The following C6 variants were observed in gnomAD, a reference collection of about 807,000 sequenced individuals.
The protein encoded by C6 is complement C6, also known as complement component C6.
C6 carries 101 observed loss-of-function variants against 112.9 expected under a neutral mutation model. The observed-to-expected ratio is 0.89, with a 90% CI of 0.76 to 1.06. The LOEUF (loss-of-function observed/expected upper bound fraction) is 1.06, where lower values mean the gene tolerates loss of function less well. C6 is among the 50% of genes least tolerant of loss of function. C6 has a pLI of 0.00. For synonymous variants in C6, 431 were observed against 384.1 expected (o/e 1.12, Z -1.43); for missense variants, 1,202 against 1,104.6 (o/e 1.09, Z -1.25).
intron 13 of C6, among the ~76,000 whole-genome samples, chr5:41,155,978 A>G (rs993890508): frequency 1.3e-5 from 2 of 151,698 alleles, no homozygotes; most frequent in African/African-American, 2.4e-5. Flanking sequence ...ATTGGTCATT[A>G]TATATTTTCC....
intron 6 of C6, among the ~76,000 whole-genome samples, chr5:41,185,418 C>T (rs376229685): frequency 5.7e-4 from 87 of 152,288 alleles, no homozygotes; most frequent in African/African-American, 2.0e-3. Flanking sequence ...GCATGAACGT[C>T]ACCATTAAAA....
At position 41,160,124 on chromosome 5, in the gene C6, T is replaced by C. The variant is rs757019357; in HGVS notation, c.1684+18A>G. 27 of 1,586,916 alleles carry C rather than the reference T, an allele frequency of 1.7e-5. No individual in the cohort carries two copies. The highest frequency in any genetic ancestry group is 2.2e-5 in the South Asian group (2 of 90,558). ...AGGGGAAAACTTATCTACCTCACAA[T>C]AGATTCCTGATACTTACTGGATTTA... On this transcript the variant is annotated intron_variant, in intron 11 of 17. Transcript: ENST00000337836.
chr5:41,209,157 A>G (rs1021389595), intron 1 of C6, among the ~76,000 whole-genome samples: 13 of 152,230 alleles, frequency 8.5e-5, no homozygotes, highest in Admixed American at 8.5e-4. Context: ...AAGGCCTTCG[A>G]CAAAATTCAA....
At chr5:41,151,750 G>A (rs1019019758) in intron 15 of C6, among the ~76,000 whole-genome samples, 7 of 151,988 alleles carry the variant, frequency 4.6e-5, no homozygotes, top group African/African-American at 1.7e-4. Context: ...AAAAATAGAG[G>A]GCAACAGCCA....
intron 1 of C6, among the ~76,000 whole-genome samples, chr5:41,206,792 A>G (rs1751473055): frequency 6.6e-6 from 1 of 152,220 alleles, no homozygotes; most frequent in African/African-American, 2.4e-5. Flanking sequence ...ACCGAGTTGG[A>G]AAACACTCTG....
intron 4 of C6, among the ~76,000 whole-genome samples, chr5:41,197,355 ATTTTTAAACAGTGCATTTCTAGT>A (rs1215668049): frequency 6.6e-6 from 1 of 152,134 alleles, no homozygotes; most frequent in East Asian, 1.9e-4. Flanking sequence ...AAGATGCTCT[ATTTTTAAACAGTGCATTTCTAGT>A]TTTTTTGTTT....
chr5:41,178,625 G>A (rs1405153176), intron 7 of C6, among the ~76,000 whole-genome samples: 9 of 148,262 alleles, frequency 6.1e-5, no homozygotes, highest in African/African-American at 1.0e-4. Context: ...ACAAGCCCCC[G>A]CCACCACGTC....
intron 9 of C6, among the ~76,000 whole-genome samples, chr5:41,168,503 G>A (rs904238278): frequency 6.6e-6 from 1 of 152,152 alleles, no homozygotes; most frequent in African/African-American, 2.4e-5. Context: ...CTGTGACGAT[G>A]CTCCTACTCA....
chr5:41,245,982 A>C (rs569973724), intron 1 of C6, among the ~76,000 whole-genome samples: 1 of 152,338 alleles, frequency 6.6e-6, no homozygotes, highest in South Asian at 2.1e-4. Context: ...CCTCTGAAGA[A>C]GGTTTCCTTC....
chr5:41,202,938 AAGAG>A lies in C6; in HGVS notation c.143+146_143+149del, dbSNP rs1053183750. On this transcript the variant is annotated intron_variant, in intron 2 of 17. Transcript: ENST00000337836. Reference sequence around the variant, plus strand: ...AAAGTAGACTTCCTTTCAACCTCATAAGAGAGAGACTTCAAATTTCATCCAAATT... The same window carrying A: ...AAAGTAGACTTCCTTTCAACCTCATAAGAGACTTCAAATTTCATCCAAATT... 8 of 813,332 alleles carry A rather than the reference AAGAG, an allele frequency of 9.8e-6. No individual in the cohort carries two copies. The African/African-American group carries it at 1.2e-4, about 12-fold the overall frequency. The allele number at this position is 813,332 out of a possible 1,614,324, so 50.4% of individuals were successfully genotyped here. A position where few individuals can be genotyped will look rare whatever the true frequency, so the allele number is the denominator to read the frequency against.
At chr5:41,251,524 ATCC>A (rs928245282) in intron 1 of C6, among the ~76,000 whole-genome samples, 2 of 152,028 alleles carry the variant, frequency 1.3e-5, no homozygotes, top group Non-Finnish European at 2.9e-5. Context: ...TCTTCCTGAT[ATCC>A]TCCTCTTTGT....
intron 1 of C6, among the ~76,000 whole-genome samples, chr5:41,255,009 A>C: frequency 6.6e-6 from 1 of 152,328 alleles, no homozygotes; most frequent in East Asian, 1.9e-4. Flanking sequence ...GGTCATCCAC[A>C]TCAACTTCCC....
chr5:41,206,909 T>C (rs1813091), intron 1 of C6, among the ~76,000 whole-genome samples: 108,189 of 151,980 alleles, frequency 0.71, 38,606 homozygotes, highest in Non-Finnish European at 0.74. Context: ...AGAGCAACTC[T>C]AAGACACATA....
intron 1 of C6, among the ~76,000 whole-genome samples, chr5:41,228,329 A>G (rs564780431): frequency 6.6e-5 from 10 of 152,114 alleles, no homozygotes; most frequent in Admixed American, 4.6e-4. Flanking sequence ...CACTTTACCA[A>G]ATTTGTTTAT....
At chr5:41,231,682 T>C (rs1739908568) in intron 1 of C6, among the ~76,000 whole-genome samples, 1 of 152,190 alleles carries the variant, frequency 6.6e-6, no homozygotes, top group African/African-American at 2.4e-5. Flanking sequence ...TTTTTTAAAG[T>C]ACTAATTAGA....
intron 1 of C6, among the ~76,000 whole-genome samples, chr5:41,246,975 G>C (rs539252836): frequency 6.6e-4 from 101 of 152,212 alleles, no homozygotes; most frequent in Admixed American, 2.9e-3. Flanking sequence ...AATAATGACA[G>C]ATATCAGTTA....
intron 1 of C6, among the ~76,000 whole-genome samples, chr5:41,210,040 C>G (rs1021965104): frequency 3.3e-5 from 5 of 152,146 alleles, no homozygotes; most frequent in African/African-American, 1.2e-4. Context: ...TGGAACAGAA[C>G]AGAGCCCTCA....
chr5:41,154,340 C>T (rs1449062297), intron 14 of C6, among the ~76,000 whole-genome samples: 2 of 152,352 alleles, frequency 1.3e-5, no homozygotes, highest in Admixed American at 6.5e-5. Context: ...AGTTACCACG[C>T]TATGACTGAT....
chr5:41,252,198 G>A (rs142968978), intron 1 of C6, among the ~76,000 whole-genome samples: 432 of 152,312 alleles, frequency 2.8e-3, no homozygotes, highest in African/African-American at 9.9e-3. Flanking sequence ...GAAAGCATGA[G>A]CATTGTGTAT....
Sources: gnomAD v4.1 joint callset for allele counts (sites outside exome capture counted in the v4.1 genomes callset) on GRCh38, gnomAD v4.1.1 for gene constraint, MANE v1.5 for transcripts, NCBI Gene and HGNC (gene_info 2026-07-23, HGNC 2026-07-21) for gene names.